Variants in LOXHD1 observed in about 807,000 individuals in gnomAD.
The protein encoded by LOXHD1 is lipoxygenase homology domain-containing protein 1.
Under a neutral mutation model 248.2 loss-of-function variants are expected in LOXHD1, and 205 were observed. That is an observed-to-expected ratio of 0.83 (90% confidence interval 0.74 to 0.93). The LOEUF (loss-of-function observed/expected upper bound fraction) is 0.93, where lower values mean the gene tolerates loss of function less well. Ranked by LOEUF, LOXHD1 falls within the 40% of genes least tolerant of loss-of-function variation. The pLI is 0.00. For synonymous variants in LOXHD1, 1,113 were observed against 1,162.8 expected (o/e 0.96, Z 0.87); for missense variants, 2,930 against 2,971.6 (o/e 0.99, Z 0.33).
chr18:46,573,205 T>C (rs2037790127), intron 14 of LOXHD1, among the ~76,000 whole-genome samples: 1 of 152,052 alleles, frequency 6.6e-6, no homozygotes, highest in African/African-American at 2.4e-5. Flanking sequence ...GGCTGTGCTC[T>C]GCAGGGCTGC....
intron 18 of LOXHD1, among the ~76,000 whole-genome samples, chr18:46,562,330 G>A (rs1479321421): frequency 1.3e-5 from 2 of 152,176 alleles, no homozygotes; most frequent in African/African-American, 4.8e-5. Context: ...AGAAACACAA[G>A]GCACCCAGCA....
At chr18:46,654,653 A>G (rs2039156676) in intron 1 of LOXHD1, among the ~76,000 whole-genome samples, 1 of 152,200 alleles carries the variant, frequency 6.6e-6, no homozygotes, top group Non-Finnish European at 1.5e-5. Context: ...CTTCCTCCCC[A>G]TCACACTCAT....
intron 5 of LOXHD1, among the ~76,000 whole-genome samples, chr18:46,617,979 C>T (rs746401511): frequency 2.0e-5 from 3 of 152,160 alleles, no homozygotes; most frequent in South Asian, 2.1e-4. Context: ...ATACTATAAT[C>T]GGAAAACACA....
intron 13 of LOXHD1, among the ~76,000 whole-genome samples, chr18:46,578,820 C>T (rs1366831230): frequency 6.6e-6 from 1 of 152,244 alleles, no homozygotes; most frequent in Non-Finnish European, 1.5e-5. Flanking sequence ...ACATCCACTG[C>T]CCCTAATGCT....
At chr18:46,522,018 G>T in intron 32 of LOXHD1, 83 bp downstream of exon 32, 4 of 980,028 alleles carry the variant, frequency 4.1e-6, no homozygotes, top group Non-Finnish European at 6.0e-6. Context: ...TTCCCACCCT[G>T]CACTCTCCCG....
At chr18:46,479,236 ATGTGTGTGTG>A (rs10645069) in intron 40 of LOXHD1, among the ~76,000 whole-genome samples, 4 of 142,784 alleles carry the variant, frequency 2.8e-5, no homozygotes, top group African/African-American at 7.9e-5. Context: ...ATATATATGT[ATGTGTGTGTG>A]TGTGTGTGTG....
intron 4 of LOXHD1, among the ~76,000 whole-genome samples, chr18:46,636,872 G>A (rs1232269824): frequency 6.6e-6 from 1 of 152,186 alleles, no homozygotes; most frequent in African/African-American, 2.4e-5. Context: ...AAGCCTGGGT[G>A]AAGTGGCTCA....
At chr18:46,609,950 C>T (rs1392375437) in intron 6 of LOXHD1, among the ~76,000 whole-genome samples, 1 of 152,178 alleles carries the variant, frequency 6.6e-6, no homozygotes, top group Non-Finnish European at 1.5e-5. Flanking sequence ...GCTCAGGAGC[C>T]TTTTTGCTTT....
At chr18:46,599,742 A>T (rs1479509745) in intron 8 of LOXHD1, among the ~76,000 whole-genome samples, 1 of 152,212 alleles carries the variant, frequency 6.6e-6, no homozygotes. Context: ...GGTCAATAGG[A>T]AACTCAGTAA....
chr18:46,565,808 T>A (rs1204324849), intron 17 of LOXHD1, among the ~76,000 whole-genome samples: 1 of 152,198 alleles, frequency 6.6e-6, no homozygotes, highest in African/African-American at 2.4e-5. Context: ...CAGATGTAAT[T>A]TTTTTCCAAA....
intron 26 of LOXHD1, 101 bp from the exon 27 acceptor site, chr18:46,534,552 T>C (rs769058458): frequency 4.5e-4 from 379 of 841,268 alleles, no homozygotes; most frequent in Middle Eastern, 8.6e-4. Flanking sequence ...CTGAGTCCCT[T>C]TGCATTTCCT....
At chr18:46,611,062 A>T in intron 5 of LOXHD1, 138 bp from the exon 6 acceptor site, 1 of 974,792 alleles carries the variant, frequency 1.0e-6, no homozygotes, top group Non-Finnish European at 1.5e-6. Flanking sequence ...AGGGCTCCTT[A>T]CATCCCTCCA....
intron 24 of LOXHD1, 115 bp from the exon 25 acceptor site, chr18:46,542,055 A>G: frequency 1.1e-6 from 1 of 929,638 alleles, no homozygotes; most frequent in South Asian, 1.8e-5. Context: ...TATCATTAAC[A>G]TGACATCCCT....
At chr18:46,556,243 T>C (rs2037325010) in intron 21 of LOXHD1, among the ~76,000 whole-genome samples, 1 of 152,120 alleles carries the variant, frequency 6.6e-6, no homozygotes, top group Admixed American at 6.5e-5. Flanking sequence ...ATTTACTATC[T>C]GGTCTTTACA....
intron 37 of LOXHD1, among the ~76,000 whole-genome samples, chr18:46,490,908 G>A (rs1359230148): frequency 1.3e-5 from 2 of 152,222 alleles, no homozygotes; most frequent in African/African-American, 4.8e-5. Context: ...TCATGAAGAT[G>A]AGACCTTCTG....
At chr18:46,586,033 G>C (rs893083168) in intron 12 of LOXHD1, among the ~76,000 whole-genome samples, 1 of 152,024 alleles carries the variant, frequency 6.6e-6, no homozygotes, top group African/African-American at 2.4e-5. Flanking sequence ...AGTTGAATTT[G>C]GTACATCGAT....
chr18:46,518,947 A>G, intron 33 of LOXHD1: 1 of 985,452 alleles, frequency 1.0e-6, no homozygotes, highest in African/African-American at 1.7e-5. Context: ...TTCACTTGAG[A>G]TTGGGGTTTT....
At chr18:46,592,423 G>T (rs1448923771) in intron 11 of LOXHD1, 75 bp downstream of exon 11, 3 of 1,237,392 alleles carry the variant, frequency 2.4e-6, no homozygotes, top group Non-Finnish European at 3.4e-6. Flanking sequence ...AAATTTATGT[G>T]ACAGGGTCAT....
chr18:46,566,399 C>T lies in LOXHD1; in HGVS notation c.2295G>A (p.Trp765Ter). The T allele has an allele frequency of 6.4e-7, 1 of 1,551,442 alleles. No homozygotes were observed. The highest frequency in any genetic ancestry group is 8.7e-7 in the Non-Finnish European group (1 of 1,147,006). The change falls in exon 17 of 41, where the codon TGG becomes TGA. Residue 765 changes from tryptophan to a stop codon, truncating the protein, a stop_gained. Transcript: ENST00000642948. LOFTEE classifies it high-confidence loss of function. ...CACGGATCTGAACGCTGCCCAGGAACCAGCTGGCATGCATGCCAGTGCTGT... is the reference window on the plus strand; with the variant it reads ...CACGGATCTGAACGCTGCCCAGGAATCAGCTGGCATGCATGCCAGTGCTGT... ...GHDSTGMHAS[W>*]FLGSVQIRVP...
Sources: allele counts gnomAD v4.1 joint callset (sites outside exome capture counted in the v4.1 genomes callset), GRCh38; gene constraint gnomAD v4.1.1; transcripts MANE v1.5; gene names NCBI Gene and HGNC (gene_info 2026-07-23, HGNC 2026-07-21).